ARHGAP15: variants seen among roughly 807,000 people sequenced by gnomAD.
The protein encoded by ARHGAP15 is rho GTPase-activating protein 15.
A neutral mutation model predicts 63.7 loss-of-function variants in ARHGAP15; 51 were observed. That is an observed-to-expected ratio of 0.80 (90% CI 0.64 to 1.01). The LOEUF (loss-of-function observed/expected upper bound fraction) is 1.01. ARHGAP15 is among the 50% of genes least tolerant of loss of function. The pLI is 0.00. For missense variants in ARHGAP15, 560 were observed against 564.6 expected, an observed-to-expected ratio of 0.99 and a Z score of 0.08; for synonymous variants, 191 against 193.8, an observed-to-expected ratio of 0.99 and a Z score of 0.12.
intron 13 of ARHGAP15, among the ~76,000 whole-genome samples, chr2:143,736,145 G>A (rs1326022825): frequency 6.6e-6 from 1 of 152,126 alleles, no homozygotes; most frequent in Non-Finnish European, 1.5e-5. Context: ...TTGGGAGGCC[G>A]AGGTGGGTAT....
chr2:143,472,698 G>C (rs1365241851), intron 8 of ARHGAP15, among the ~76,000 whole-genome samples: 1 of 151,952 alleles, frequency 6.6e-6, no homozygotes. Context: ...GATGATGATG[G>C]GGGGAATGAT....
intron 6 of ARHGAP15, among the ~76,000 whole-genome samples, chr2:143,401,210 G>T (rs1687974105): frequency 6.6e-6 from 1 of 151,914 alleles, no homozygotes; most frequent in Non-Finnish European, 1.5e-5. Flanking sequence ...GTTTTGTTTA[G>T]GTGGGGTAGG....
intron 6 of ARHGAP15, among the ~76,000 whole-genome samples, chr2:143,432,738 T>A (rs1025869352): frequency 6.6e-6 from 1 of 152,082 alleles, no homozygotes; most frequent in African/African-American, 2.4e-5. Flanking sequence ...AGATGGATAC[T>A]TAAAGATATG....
intron 11 of ARHGAP15, among the ~76,000 whole-genome samples, chr2:143,597,760 G>T (rs1310641109): frequency 6.6e-6 from 1 of 152,072 alleles, no homozygotes; most frequent in Admixed American, 6.6e-5. Flanking sequence ...AAACCTGAGA[G>T]CTCAATATCA....
chr2:143,625,778 T>A (rs1258651528), intron 12 of ARHGAP15, among the ~76,000 whole-genome samples: 1 of 152,230 alleles, frequency 6.6e-6, no homozygotes, highest in African/African-American at 2.4e-5. Context: ...TTTGGATGCC[T>A]ATTTCTGATT....
intron 2 of ARHGAP15, among the ~76,000 whole-genome samples, chr2:143,156,454 G>T (rs1399616116): frequency 1.3e-5 from 2 of 151,858 alleles, no homozygotes; most frequent in African/African-American, 2.4e-5. Flanking sequence ...GGAGAAATAG[G>T]TTAGCTGGGG....
intron 10 of ARHGAP15, among the ~76,000 whole-genome samples, chr2:143,547,051 G>T (rs1317848027): frequency 1.3e-5 from 2 of 152,058 alleles, no homozygotes; most frequent in Non-Finnish European, 2.9e-5. Flanking sequence ...CTTTTCTAGA[G>T]AAATTTCTCA....
At chr2:143,215,430 T>C (rs1000043971) in intron 3 of ARHGAP15, among the ~76,000 whole-genome samples, 1 of 152,118 alleles carries the variant, frequency 6.6e-6, no homozygotes, top group Non-Finnish European at 1.5e-5. Context: ...TTGAAGTAGA[T>C]TAAATATACT....
chr2:143,205,531 G>A (rs938192210), intron 3 of ARHGAP15, among the ~76,000 whole-genome samples: 1 of 152,054 alleles, frequency 6.6e-6, no homozygotes, highest in Non-Finnish European at 1.5e-5. Flanking sequence ...TTGAATGAAG[G>A]CATAATGAAA....
chr2:143,472,092 A>G (rs1037815227), intron 8 of ARHGAP15: 2 of 152,124 alleles, frequency 1.3e-5, no homozygotes, highest in African/African-American at 4.8e-5. Flanking sequence ...TTATCAAAGT[A>G]TACAATTGTG....
intron 2 of ARHGAP15, among the ~76,000 whole-genome samples, chr2:143,166,061 G>GAA (rs1553442904): frequency 4.3e-5 from 6 of 140,462 alleles, no homozygotes; most frequent in African/African-American, 1.5e-4. Flanking sequence ...AAGAAAGAAA[G>GAA]AAAAAAAATA....
At chr2:143,604,856 T>C (rs72992530) in intron 11 of ARHGAP15, among the ~76,000 whole-genome samples, 356 of 152,296 alleles carry the variant, frequency 2.3e-3, no homozygotes, top group African/African-American at 8.0e-3. Context: ...AAAGTAATGA[T>C]AATACCGTGC....
intron 11 of ARHGAP15, among the ~76,000 whole-genome samples, chr2:143,584,793 C>T (rs1272268439): frequency 6.6e-6 from 1 of 152,120 alleles, no homozygotes; most frequent in East Asian, 1.9e-4. Context: ...TTTGCACCAA[C>T]ATAATACATC....
intron 7 of ARHGAP15, 119 bp downstream of exon 7, chr2:143,435,818 A>C: frequency 1.0e-6 from 1 of 1,003,480 alleles, no homozygotes; most frequent in South Asian, 1.9e-5. Context: ...AGAGGGATTA[A>C]GTTCTTTTAG....
At chr2:143,375,002 G>A (rs949144399) in intron 6 of ARHGAP15, among the ~76,000 whole-genome samples, 1 of 152,048 alleles carries the variant, frequency 6.6e-6, no homozygotes, top group Non-Finnish European at 1.5e-5. Context: ...ATCAACAGTG[G>A]GATCCATATT....
At chr2:143,433,246 T>C (rs1008520798) in intron 6 of ARHGAP15, among the ~76,000 whole-genome samples, 1 of 152,094 alleles carries the variant, frequency 6.6e-6, no homozygotes, top group African/African-American at 2.4e-5. Context: ...TTGAAACTAC[T>C]TTCCTGTGAG....
At chr2:143,664,385 A>G (rs528981345) in intron 12 of ARHGAP15, among the ~76,000 whole-genome samples, 1 of 152,134 alleles carries the variant, frequency 6.6e-6, no homozygotes, top group African/African-American at 2.4e-5. Flanking sequence ...CAAAGACACA[A>G]CATACCAGAA....
intron 9 of ARHGAP15, among the ~76,000 whole-genome samples, chr2:143,508,482 T>C (rs895581593): frequency 6.6e-6 from 1 of 152,248 alleles, no homozygotes; most frequent in African/African-American, 2.4e-5. Context: ...AGTGTTCTTT[T>C]CACTACTCCA....
At chr2:143,317,515 A>G (rs1307853436) in intron 6 of ARHGAP15, among the ~76,000 whole-genome samples, 1 of 152,242 alleles carries the variant, frequency 6.6e-6, no homozygotes, top group Non-Finnish European at 1.5e-5. Context: ...GAAGTAGGTG[A>G]TATAGTGATG....
Sources: allele counts gnomAD v4.1 joint callset (sites outside exome capture counted in the v4.1 genomes callset), GRCh38; gene constraint gnomAD v4.1.1; transcripts MANE v1.5; gene names NCBI Gene and HGNC (gene_info 2026-07-23, HGNC 2026-07-21).